CTNNA3: variants seen among roughly 807,000 people sequenced by gnomAD.
The protein encoded by CTNNA3 is catenin alpha 3.
CTNNA3 carries 76 observed loss-of-function variants against 95.7 expected under a neutral mutation model. That is an observed-to-expected ratio of 0.79 (90% CI 0.66 to 0.96). The LOEUF is 0.96. Among genes scored for constraint, CTNNA3 ranks in the 40% least tolerant of loss-of-function variants. The pLI, the probability that CTNNA3 is intolerant of heterozygous loss-of-function variation, is 0.00. For missense variants in CTNNA3, 1,191 were observed against 1,089.8 expected (o/e 1.09, Z -1.31); for synonymous variants, 431 against 374.4 (o/e 1.15, Z -1.74).
intron 10 of CTNNA3, among the ~76,000 whole-genome samples, chr10:66,615,602 C>G (rs1477225567): frequency 6.6e-6 from 1 of 151,720 alleles, no homozygotes; most frequent in East Asian, 1.9e-4. Flanking sequence ...CTATTATCTA[C>G]TTTATTATTT....
intron 5 of CTNNA3, among the ~76,000 whole-genome samples, chr10:67,347,621 G>A (rs1219805559): frequency 6.6e-6 from 1 of 151,988 alleles, no homozygotes. Context: ...AAGTTAGGAT[G>A]GATAGTAAAG....
intron 13 of CTNNA3, among the ~76,000 whole-genome samples, chr10:66,160,209 C>A (rs1046502597): frequency 5.9e-5 from 9 of 151,724 alleles, no homozygotes; most frequent in African/African-American, 7.3e-5. Context: ...TATTTCCTTT[C>A]TTCTGCTGGG....
intron 5 of CTNNA3, among the ~76,000 whole-genome samples, chr10:67,263,353 T>A (rs143245037): frequency 6.6e-6 from 1 of 152,266 alleles, no homozygotes. Context: ...CTTTCCTGTA[T>A]GTCTTTGCCC....
At chr10:66,430,032 GC>G (rs2093280363) in intron 11 of CTNNA3, among the ~76,000 whole-genome samples, 1 of 131,822 alleles carries the variant, frequency 7.6e-6, no homozygotes, top group Non-Finnish European at 1.6e-5. Flanking sequence ...ATCTCCTTAA[GC>G]TGATAAGCAA....
intron 2 of CTNNA3, among the ~76,000 whole-genome samples, chr10:67,621,050 G>GAAC (rs1473944478): frequency 6.6e-6 from 1 of 151,688 alleles, no homozygotes; most frequent in Non-Finnish European, 1.5e-5. Flanking sequence ...CCAAGAGGCA[G>GAAC]AACCATGCTC....
chr10:66,629,069 C>CAATACT (rs1401062527), intron 9 of CTNNA3, among the ~76,000 whole-genome samples: 14 of 152,084 alleles, frequency 9.2e-5, no homozygotes, highest in Admixed American at 9.2e-4. Context: ...AGGTTGCCCA[C>CAATACT]AATACTGTGA....
At chr10:66,114,733 G>C (rs144453680) in intron 13 of CTNNA3, among the ~76,000 whole-genome samples, 2,034 of 151,762 alleles carry the variant, frequency 0.013, 45 homozygotes, top group African/African-American at 0.047. Flanking sequence ...ACAAAAATTA[G>C]TTGGGCGTGG....
intron 6 of CTNNA3, among the ~76,000 whole-genome samples, chr10:67,195,785 A>G (rs1459951683): frequency 6.6e-6 from 1 of 152,134 alleles, no homozygotes; most frequent in Non-Finnish European, 1.5e-5. Flanking sequence ...GCTGAAGCAC[A>G]AAATCAATAT....
chr10:67,321,099 A>G (rs2132552224), intron 5 of CTNNA3, among the ~76,000 whole-genome samples: 1 of 152,318 alleles, frequency 6.6e-6, no homozygotes, highest in Non-Finnish European at 1.5e-5. Context: ...GTGGCCCAAC[A>G]CTAACTGCAC....
chr10:66,741,033 C>G (rs1849310432), intron 9 of CTNNA3, among the ~76,000 whole-genome samples: 1 of 152,166 alleles, frequency 6.6e-6, no homozygotes, highest in African/African-American at 2.4e-5. Context: ...AACAACCATT[C>G]CAAATACACT....
chr10:66,875,269 T>C (rs1190239124), intron 7 of CTNNA3, among the ~76,000 whole-genome samples: 1 of 151,968 alleles, frequency 6.6e-6, no homozygotes, highest in African/African-American at 2.4e-5. Flanking sequence ...AGGAACATAG[T>C]GGTTACATAA....
intron 10 of CTNNA3, among the ~76,000 whole-genome samples, chr10:66,540,365 A>T (rs1841807010): frequency 6.6e-6 from 1 of 152,178 alleles, no homozygotes; most frequent in South Asian, 2.1e-4. Flanking sequence ...ACTTCTCAGA[A>T]AGTTAGATGG....
rs61085873 is a variant in CTNNA3 at position 66,845,703 on chromosome 10, C to CAAAAAAAAAAAAAAAAAAA, written c.1048-70198_1048-70180dup. 4.2e-4 allele frequency among the ~76,000 whole-genome samples: 10 copies of CAAAAAAAAAAAAAAAAAAA among 23,536 alleles called. 1 individual carries two copies. Among genetic ancestry groups the CAAAAAAAAAAAAAAAAAAA allele is most frequent in the African/African-American group, 9.2e-4 (9 of 9,776 alleles). 15.4% of individuals were successfully genotyped at this position (23,536 alleles called of 152,430 possible). A position where few individuals can be genotyped will look rare whatever the true frequency, so the allele number is the denominator to read the frequency against. On this transcript the variant is annotated intron_variant, in intron 7 of 17. Transcript: ENST00000433211. The stretch of plus-strand genomic sequence containing the variant: ...GGGTAACAACAGCAAAACTCTGTCT[C>CAAAAAAAAAAAAAAAAAAA]AAAAAAAAAAAAAAAAAAAAAAAAA...
At chr10:66,964,585 T>C (rs1849299972) in intron 7 of CTNNA3, among the ~76,000 whole-genome samples, 1 of 152,210 alleles carries the variant, frequency 6.6e-6, no homozygotes, top group South Asian at 2.1e-4. Flanking sequence ...ACTTTCATCA[T>C]GACATTTAAA....
At chr10:66,979,669 G>A (rs1300475159) in intron 7 of CTNNA3, among the ~76,000 whole-genome samples, 1 of 152,150 alleles carries the variant, frequency 6.6e-6, no homozygotes, top group Non-Finnish European at 1.5e-5. Flanking sequence ...TTGTGGGGAT[G>A]AATAGGATTA....
intron 7 of CTNNA3, among the ~76,000 whole-genome samples, chr10:66,844,915 G>T (rs995212030): frequency 6.6e-6 from 1 of 151,446 alleles, no homozygotes. Context: ...TAATAAACCT[G>T]GTTTCAAATA....
chr10:67,387,463 G>A (rs1217635896), intron 5 of CTNNA3, among the ~76,000 whole-genome samples: 2 of 152,182 alleles, frequency 1.3e-5, no homozygotes, highest in African/African-American at 2.4e-5. Context: ...CAAACTGCAA[G>A]GCAGCAGCGA....
chr10:66,915,696 CAT>C (rs1211633969), intron 7 of CTNNA3, among the ~76,000 whole-genome samples: 6 of 144,910 alleles, frequency 4.1e-5, no homozygotes, highest in Non-Finnish European at 3.0e-5. Context: ...CGGCATTTGA[CAT>C]ATATATATAT....
At chr10:67,310,481 C>T (rs926710961) in intron 5 of CTNNA3, among the ~76,000 whole-genome samples, 39 of 152,236 alleles carry the variant, frequency 2.6e-4, no homozygotes, top group African/African-American at 8.9e-4. Context: ...CATTCATTCC[C>T]CAAATGTGCT....
Sources: allele counts gnomAD v4.1 joint callset (sites outside exome capture counted in the v4.1 genomes callset), GRCh38; gene constraint gnomAD v4.1.1; transcripts MANE v1.5; gene names NCBI Gene and HGNC (gene_info 2026-07-23, HGNC 2026-07-21).